Variants in PHACTR1 observed in about 807,000 individuals in gnomAD.
PHACTR1 encodes RPEL repeat containing 1.
In PHACTR1, 16 loss-of-function variants were observed where a neutral mutation model predicts 69.2. The observed-to-expected ratio is 0.23, with a 90% CI of 0.16 to 0.35. The LOEUF is 0.35. Ranked by LOEUF, PHACTR1 falls within the 10% of genes least tolerant of loss-of-function variation. PHACTR1 has a pLI of 1.00. For synonymous variants in PHACTR1, 312 were observed against 284.5 expected, an observed-to-expected ratio of 1.10 and a Z score of -0.97; for missense variants, 510 against 734.7, an observed-to-expected ratio of 0.69 and a Z score of 3.54.
chr6:12,940,759 T>C (rs1448831959), intron 4 of PHACTR1, among the ~76,000 whole-genome samples: 2 of 152,238 alleles, frequency 1.3e-5, no homozygotes, highest in African/African-American at 4.8e-5. Context: ...CTGTGCCATC[T>C]ACGTTTCTCA....
At position 13,163,430 on chromosome 6, in the gene PHACTR1, T is replaced by G. The variant is rs377394065; in HGVS notation, c.496+3146T>G. ...TGACTTTGCTCACTAGCACATAAACTGTAGGAGAGCAGGGGCCTCAGAGGC... is the reference window on the plus strand; with the variant it reads ...TGACTTTGCTCACTAGCACATAAACGGTAGGAGAGCAGGGGCCTCAGAGGC... On this transcript the variant is annotated intron_variant, in intron 6 of 14. Coordinates refer to ENST00000332995, the MANE Select transcript of PHACTR1 (RefSeq NM_030948.6). Among the ~76,000 whole-genome samples, 4 of 152,306 alleles carry G rather than the reference T, an allele frequency of 2.6e-5. No individual in the cohort carries two copies. The East Asian group carries it at 5.8e-4, about 22-fold the overall frequency.
chr6:12,964,651 G>A (rs1322215387), intron 4 of PHACTR1, among the ~76,000 whole-genome samples: 2 of 152,172 alleles, frequency 1.3e-5, no homozygotes, highest in Non-Finnish European at 2.9e-5. Context: ...CATGGTCAGA[G>A]TTTAATCTAT....
intron 4 of PHACTR1, among the ~76,000 whole-genome samples, chr6:13,031,987 T>C (rs1802515677): frequency 6.6e-6 from 1 of 152,192 alleles, no homozygotes; most frequent in Non-Finnish European, 1.5e-5. Flanking sequence ...AGTAAGAACA[T>C]ATGTAGTTTT....
chr6:12,760,318 C>T (rs572607398), intron 4 of PHACTR1, among the ~76,000 whole-genome samples: 6 of 152,036 alleles, frequency 3.9e-5, no homozygotes, highest in Non-Finnish European at 7.4e-5. Context: ...TATGAGTAGC[C>T]CCAAATGAGA....
chr6:12,813,623 T>G (rs1469842720), intron 4 of PHACTR1, among the ~76,000 whole-genome samples: 1 of 152,172 alleles, frequency 6.6e-6, no homozygotes, highest in African/African-American at 2.4e-5. Context: ...TCAGAGCCCT[T>G]CCTGTGATAA....
At chr6:12,999,168 T>C (rs1582894465) in intron 4 of PHACTR1, among the ~76,000 whole-genome samples, 1 of 152,222 alleles carries the variant, frequency 6.6e-6, no homozygotes, top group African/African-American at 2.4e-5. Flanking sequence ...AGGATTGTCA[T>C]TGACAAAAAT....
chr6:13,166,704 G>A (rs1161396267), intron 6 of PHACTR1, among the ~76,000 whole-genome samples: 2 of 152,066 alleles, frequency 1.3e-5, no homozygotes, highest in Non-Finnish European at 2.9e-5. Flanking sequence ...TCTTTAAGTG[G>A]TATGGGAAAA....
chr6:12,853,977 C>G (rs908083114), intron 4 of PHACTR1, among the ~76,000 whole-genome samples: 3 of 152,052 alleles, frequency 2.0e-5, no homozygotes, highest in Non-Finnish European at 2.9e-5. Flanking sequence ...ATATTCCTGA[C>G]TGGGACAAAA....
At chr6:13,059,328 C>A (rs1180795859) in intron 5 of PHACTR1, among the ~76,000 whole-genome samples, 1 of 151,920 alleles carries the variant, frequency 6.6e-6, no homozygotes, top group Admixed American at 6.6e-5. Flanking sequence ...TTCTTAATGG[C>A]CATAAAAGCT....
intron 4 of PHACTR1, among the ~76,000 whole-genome samples, chr6:12,893,004 G>C (rs1033410035): frequency 6.6e-6 from 1 of 152,220 alleles, no homozygotes; most frequent in East Asian, 1.9e-4. Flanking sequence ...AGAAGGAAGA[G>C]AGAGAGAGAA....
intron 5 of PHACTR1, among the ~76,000 whole-genome samples, chr6:13,064,660 G>A (rs1195212380): frequency 7.8e-6 from 1 of 128,434 alleles, no homozygotes; most frequent in Non-Finnish European, 1.6e-5. Flanking sequence ...CCACCAGACC[G>A]GGAAGCAACA....
chr6:12,855,662 A>G (rs1032091870), intron 4 of PHACTR1, among the ~76,000 whole-genome samples: 9 of 152,094 alleles, frequency 5.9e-5, no homozygotes, highest in Non-Finnish European at 1.2e-4. Flanking sequence ...GGAGGAAGGG[A>G]GGTAGTGGCT....
intron 4 of PHACTR1, among the ~76,000 whole-genome samples, chr6:12,834,608 T>A (rs992318348): frequency 5.3e-5 from 8 of 152,148 alleles, no homozygotes; most frequent in African/African-American, 1.9e-4. Context: ...CAAGTCCAGA[T>A]AACTATAGCA....
rs1786121251 is a variant in PHACTR1, at chr6:12,909,511, A to G, written c.251-143854A>G. Among the ~76,000 whole-genome samples, 4 of 152,260 alleles carry G rather than the reference A, an allele frequency of 2.6e-5. No individual in the cohort carries two copies. The South Asian group carries it at 8.3e-4, about 32-fold the overall frequency. On this transcript the variant is annotated intron_variant, in intron 4 of 14. Coordinates refer to ENST00000332995, the MANE Select transcript of PHACTR1 (RefSeq NM_030948.6). ...TTACACTAATTGAACATGGATGTGA[A>G]TTTAAAAATATGAAGGGCATGGCAT...
chr6:13,008,804 A>G (rs1350550618), intron 4 of PHACTR1, among the ~76,000 whole-genome samples: 2 of 152,256 alleles, frequency 1.3e-5, no homozygotes, highest in African/African-American at 4.8e-5. Context: ...CCTGGAAAAA[A>G]ATAGATGCTA....
intron 5 of PHACTR1, among the ~76,000 whole-genome samples, chr6:13,152,847 A>G (rs923989886): frequency 6.6e-6 from 1 of 152,180 alleles, no homozygotes; most frequent in Non-Finnish European, 1.5e-5. Flanking sequence ...TGGGAGGAAA[A>G]TGTGGGCGTG....
chr6:12,943,076 A>G (rs567675087), intron 4 of PHACTR1, among the ~76,000 whole-genome samples: 1 of 152,382 alleles, frequency 6.6e-6, no homozygotes, highest in South Asian at 2.1e-4. Context: ...GAATGTTCAT[A>G]GCAGCGTTAC....
At chr6:13,234,792 C>T (rs911743247) in intron 10 of PHACTR1, among the ~76,000 whole-genome samples, 5 of 152,142 alleles carry the variant, frequency 3.3e-5, no homozygotes, top group Middle Eastern at 3.2e-3. Flanking sequence ...CCATTGGAGA[C>T]GTGTGGACTG....
At chr6:13,147,793 T>G (rs1823639268) in intron 5 of PHACTR1, among the ~76,000 whole-genome samples, 1 of 152,206 alleles carries the variant, frequency 6.6e-6, no homozygotes, top group African/African-American at 2.4e-5. Flanking sequence ...TCGTTTAATT[T>G]TTTTTATGTG....
Sources: allele counts gnomAD v4.1 joint callset (sites outside exome capture counted in the v4.1 genomes callset), GRCh38; gene constraint gnomAD v4.1.1; transcripts MANE v1.5; gene names NCBI Gene and HGNC (gene_info 2026-07-23, HGNC 2026-07-21).